The following LPCAT2 variants were observed in gnomAD, a reference collection of about 807,000 sequenced individuals.
LPCAT2 encodes the protein lysophosphatidylcholine acyltransferase 2.
LPCAT2 carries 58 observed loss-of-function variants against 64.7 expected under a neutral mutation model. The ratio of observed to expected loss-of-function variants is 0.90; its 90% confidence interval spans 0.73 to 1.12. The LOEUF (loss-of-function observed/expected upper bound fraction) is 1.12. Among genes scored for constraint, LPCAT2 ranks in the 50% most tolerant of loss-of-function variants. The pLI, the probability that LPCAT2 is intolerant of heterozygous loss-of-function variation, is 0.00. For synonymous variants in LPCAT2, 252 were observed against 245.3 expected (o/e 1.03, Z -0.26); for missense variants, 579 against 669.8 (o/e 0.86, Z 1.50).
At chr16:55,582,031 A>G (rs1963892066) in intron 13 of LPCAT2, among the ~76,000 whole-genome samples, 1 of 152,334 alleles carries the variant, frequency 6.6e-6, no homozygotes, top group East Asian at 1.9e-4. Flanking sequence ...TACCAGAGTT[A>G]AGGGCTCAAA....
At chr16:55,555,910 G>A (rs1395977636) in intron 11 of LPCAT2, among the ~76,000 whole-genome samples, 1 of 152,174 alleles carries the variant, frequency 6.6e-6, no homozygotes, top group Admixed American at 6.5e-5. Flanking sequence ...TGCCTCCCGG[G>A]TCCAAGTGAT....
At chr16:55,569,313 TC>T (rs1956862382) in intron 11 of LPCAT2, among the ~76,000 whole-genome samples, 1 of 152,128 alleles carries the variant, frequency 6.6e-6, no homozygotes, top group South Asian at 2.1e-4. Flanking sequence ...TTAACCTTGG[TC>T]TGGTGTGCTA....
chr16:55,516,299 C>A (rs1189399145), intron 1 of LPCAT2, among the ~76,000 whole-genome samples: 1 of 152,062 alleles, frequency 6.6e-6, no homozygotes, highest in Non-Finnish European at 1.5e-5. Flanking sequence ...GAGATGGGAT[C>A]TCCCTATATT....
At chr16:55,565,922 G>T (rs1012235071) in intron 11 of LPCAT2, among the ~76,000 whole-genome samples, 1 of 152,138 alleles carries the variant, frequency 6.6e-6, no homozygotes, top group African/African-American at 2.4e-5. Flanking sequence ...ATAAATGAAA[G>T]AGTCTGTACT....
chr16:55,529,217 G>T (rs1467876684), intron 3 of LPCAT2, among the ~76,000 whole-genome samples: 3 of 152,172 alleles, frequency 2.0e-5, no homozygotes, highest in African/African-American at 7.2e-5. Flanking sequence ...AACATCAGAT[G>T]ATGAGAGAGT....
rs183707206 is a variant in LPCAT2, at chr16:55,516,178, C to A, written c.171+6826C>A. ...GGAGTGCAGTGGTGTAATCACAGCT[C>A]ACTCTAGCCTTGACCTCCTGGGCTC... On this transcript the variant is annotated intron_variant, in intron 1 of 13. Coordinates refer to ENST00000262134, the MANE Select transcript of LPCAT2 (RefSeq NM_017839.5). Among the ~76,000 whole-genome samples the A allele has an allele frequency of 2.5e-4, 38 of 152,286 alleles. 1 individual carries two copies. Among genetic ancestry groups the A allele is most frequent in the Admixed American group, 7.2e-4 (11 of 15,296 alleles).
chr16:55,580,165 GA>G (rs1272508280), intron 13 of LPCAT2, among the ~76,000 whole-genome samples: 1 of 152,082 alleles, frequency 6.6e-6, no homozygotes, highest in African/African-American at 2.4e-5. Flanking sequence ...CATGGGATGG[GA>G]AAAGTAGATC....
rs151085076 is a variant in LPCAT2 at position 55,524,843 on chromosome 16, C to T, written c.172-665C>T. The stretch of plus-strand genomic sequence containing the variant: ...GCAATTTAACTCCCTCTGTGTTACT[C>T]CTTTCTGGTATGTAAAACTTGAAAC... On this transcript the variant is annotated intron_variant, in intron 1 of 13. Transcript: ENST00000262134. Among the ~76,000 whole-genome samples the T allele has an allele frequency of 2.7e-3, 413 of 152,124 alleles. 10 individuals carry two copies. The South Asian group carries it at 0.05, about 18-fold the overall frequency.
At chr16:55,573,790 C>A (rs985464820) in intron 11 of LPCAT2, among the ~76,000 whole-genome samples, 1 of 151,648 alleles carries the variant, frequency 6.6e-6, no homozygotes, top group Admixed American at 6.6e-5. Flanking sequence ...TTTTTTAGTT[C>A]TCTGTCTGGC....
Position 55,509,204 on chromosome 16 carries a change from C to A in LPCAT2, c.23C>A (p.Ala8Glu). The A allele has an allele frequency of 2.8e-6, 4 of 1,408,972 alleles. No homozygotes were observed. Among genetic ancestry groups the A allele is most frequent in the Non-Finnish European group, 3.7e-6 (4 of 1,075,842 alleles). 87.3% of individuals were successfully genotyped at this position (1,408,972 alleles called of 1,614,324 possible). The change falls in exon 1 of 14, where the codon GCG (alanine) becomes GAG (glutamate). Residue 8 changes from alanine to glutamate, a missense_variant. Transcript: ENST00000262134. MSRCAQA[A>E]EVAATVPGAG... is the part of the protein sequence containing the mutation. Reference sequence around the variant, plus strand: ...ACTATGAGCCGGTGCGCCCAGGCGGCGGAAGTGGCGGCCACAGTGCCAGGT... The same window carrying A: ...ACTATGAGCCGGTGCGCCCAGGCGGAGGAAGTGGCGGCCACAGTGCCAGGT...
chr16:55,544,286 A>T (rs1963429043), intron 8 of LPCAT2, among the ~76,000 whole-genome samples: 2 of 152,232 alleles, frequency 1.3e-5, no homozygotes, highest in African/African-American at 2.4e-5. Flanking sequence ...TTATTTATCA[A>T]ATGGAAGTGG....
chr16:55,546,587 A>G (rs1354810462), intron 9 of LPCAT2, among the ~76,000 whole-genome samples: 1 of 152,222 alleles, frequency 6.6e-6, no homozygotes, highest in African/African-American at 2.4e-5. Context: ...ATATATAGCC[A>G]GCCATGTATA....
intron 7 of LPCAT2, 126 bp downstream of exon 7, chr16:55,534,603 A>G: frequency 2.2e-6 from 1 of 460,756 alleles, no homozygotes; most frequent in Non-Finnish European, 3.8e-6. Context: ...AAACATAAAG[A>G]TTTCTGATCA....
At chr16:55,582,801 T>A in intron 13 of LPCAT2, 113 bp from the exon 14 acceptor site, 1 of 667,036 alleles carries the variant, frequency 1.5e-6, no homozygotes, top group Non-Finnish European at 2.6e-6. Context: ...AATGTTTGTG[T>A]GTTGGGTAGT....
At chr16:55,537,543 C>T in intron 7 of LPCAT2, 35 bp from the exon 8 acceptor site, 2 of 1,520,472 alleles carry the variant, frequency 1.3e-6, no homozygotes, top group Non-Finnish European at 9.1e-7. Flanking sequence ...ACTTGCATGA[C>T]TGTATAAAGA....
rs186743942 is a variant in LPCAT2 at position 55,549,236 on chromosome 16, T to A, written c.936-41T>A. 5,283 of 1,439,964 alleles carry A rather than the reference T, an allele frequency of 3.7e-3. 75 individuals carry two copies. The African/African-American group carries it at 0.046, about 12-fold the overall frequency. 89.2% of individuals were successfully genotyped at this position (1,439,964 alleles called of 1,614,324 possible). Reference sequence around the variant, plus strand: ...TAGTGAAATATGATTACTTTTTTTTTTAAAAAAAATGAATTTTAGTTTGCT... The same window carrying A: ...TAGTGAAATATGATTACTTTTTTTTATAAAAAAAATGAATTTTAGTTTGCT... On this transcript the variant is annotated intron_variant, in intron 9 of 13. Coordinates refer to ENST00000262134, the MANE Select transcript of LPCAT2 (RefSeq NM_017839.5).
chr16:55,552,126 C>G (rs1465082126), intron 11 of LPCAT2, among the ~76,000 whole-genome samples: 1 of 152,136 alleles, frequency 6.6e-6, no homozygotes, highest in Non-Finnish European at 1.5e-5. Context: ...TAAGTCCTGG[C>G]AGCCAGTGAT....
Position 55,532,866 on chromosome 16 carries a change from G to T in LPCAT2, c.746G>T (p.Arg249Ile). Residue 249 changes from arginine to isoleucine, a missense_variant, in exon 6 of 14, where the codon AGA (arginine) becomes ATA (isoleucine). Physicochemically the swap from Arg to Ile is moderately conservative, Grantham distance 97. Transcript: ENST00000262134. The stretch of plus-strand genomic sequence containing the variant: ...GTTCCAGTGCAGCCAGTCCTCCTCA[G>T]ATACCCAAACAAGCTGGTAAGCACA... ...PGVPVQPVLL[R>I]YPNKLDTVTW... 6.2e-7 allele frequency: 1 copy of T among 1,612,008 alleles called. No homozygotes were observed. Among genetic ancestry groups the T allele is most frequent in the South Asian group, 1.1e-5 (1 of 91,036 alleles).
At chr16:55,550,333 A>C (rs1377425933) in intron 10 of LPCAT2, among the ~76,000 whole-genome samples, 1 of 152,182 alleles carries the variant, frequency 6.6e-6, no homozygotes, top group African/African-American at 2.4e-5. Context: ...TTCATAACTA[A>C]TCTTGGAGGA....
Sources: allele counts gnomAD v4.1 joint callset (sites outside exome capture counted in the v4.1 genomes callset), GRCh38; gene constraint gnomAD v4.1.1; transcripts MANE v1.5; gene names NCBI Gene and HGNC (gene_info 2026-07-23, HGNC 2026-07-21).